The following MRTFA variants were observed in gnomAD, a reference collection of about 807,000 sequenced individuals.
MRTFA encodes myocardin related transcription factor A.
A neutral mutation model predicts 83.5 loss-of-function variants in MRTFA; 20 were observed. The ratio of observed to expected loss-of-function variants is 0.24; its 90% CI spans 0.17 to 0.35. The LOEUF is 0.35. MRTFA is among the 10% of genes least tolerant of loss of function. The pLI is 1.00. For missense variants in MRTFA, 1,200 were observed against 1,224.7 expected (o/e 0.98, Z 0.30); for synonymous variants, 659 against 541.2 (o/e 1.22, Z -3.02).
intron 3 of MRTFA, among the ~76,000 whole-genome samples, chr22:40,525,883 A>C (rs1892099374): frequency 6.6e-6 from 1 of 152,234 alleles, no homozygotes; most frequent in Admixed American, 6.5e-5. Flanking sequence ...TGTGGCACTT[A>C]CATTCTACGA....
intron 4 of MRTFA, among the ~76,000 whole-genome samples, chr22:40,450,899 C>G (rs1011520428): frequency 1.3e-5 from 2 of 152,166 alleles, no homozygotes; most frequent in Non-Finnish European, 2.9e-5. Context: ...CCAGAAAACC[C>G]GGATTGGGTC....
At chr22:40,505,005 G>A (rs996623246) in intron 3 of MRTFA, among the ~76,000 whole-genome samples, 17 of 152,272 alleles carry the variant, frequency 1.1e-4, no homozygotes, top group Middle Eastern at 6.8e-3. Flanking sequence ...TAAGCTCTTT[G>A]AGGAAAAGGA....
chr22:40,448,297 G>C (rs867202087), intron 4 of MRTFA, among the ~76,000 whole-genome samples: 1 of 149,488 alleles, frequency 6.7e-6, no homozygotes, highest in Admixed American at 6.7e-5. Flanking sequence ...GCAACAGAGC[G>C]AGACTCTGTC....
intron 5 of MRTFA, among the ~76,000 whole-genome samples, chr22:40,434,720 T>C (rs1473069954): frequency 1.9e-4 from 29 of 152,104 alleles, no homozygotes; most frequent in Non-Finnish European, 8.8e-5. Context: ...AGACTCCGTC[T>C]CAAAAAATAA....
intron 1 of MRTFA, among the ~76,000 whole-genome samples, chr22:40,614,099 G>C (rs2056419787): frequency 6.6e-6 from 1 of 151,930 alleles, no homozygotes; most frequent in Non-Finnish European, 1.5e-5. Flanking sequence ...CTACTCGGGA[G>C]GCTGAGGCAG....
intron 14 of MRTFA, among the ~76,000 whole-genome samples, chr22:40,414,150 G>T (rs1386596351): frequency 2.0e-5 from 3 of 152,088 alleles, no homozygotes; most frequent in African/African-American, 7.2e-5. Flanking sequence ...ACCAGCCTGG[G>T]CAACACAGTG....
rs1250532548 is a variant in MRTFA, at chr22:40,451,189, TTC to T, written c.307+12030_307+12031del. Among the ~76,000 whole-genome samples the T allele has an allele frequency of 3.3e-5, 5 of 152,308 alleles. No homozygotes were observed. In the South Asian group the frequency reaches 8.3e-4, roughly 25 times the overall value. On this transcript the variant is annotated intron_variant, in intron 4 of 14. Transcript: ENST00000355630. ...CGGGCTTGACTTCCATTTTTTGTCT[TTC>T]TGTTTTTAGCTGACACACTAAAAAT... is the stretch of plus-strand genomic sequence containing the variant.
In MRTFA at chr22:40,429,763, G is replaced by C; in HGVS notation, c.444C>G (p.Thr148=). Residue 148 remains threonine, a synonymous_variant, in exon 7 of 15, where the codon ACC becomes ACG. Transcript: ENST00000355630. ...TGGCCTGGAGGGATGGCTCAGCCGA[G>C]GTCTCTGCCCATGGGAGAGAAAGGG... The C allele has an allele frequency of 1.2e-6, 2 of 1,611,158 alleles. No individual in the cohort carries two copies. The highest frequency in any genetic ancestry group is 1.7e-6 in the Non-Finnish European group (2 of 1,178,648).
chr22:40,498,096 C>T (rs1281090706), intron 3 of MRTFA, among the ~76,000 whole-genome samples: 1 of 151,704 alleles, frequency 6.6e-6, no homozygotes, highest in East Asian at 1.9e-4. Flanking sequence ...GCCAAGATCA[C>T]AGCACTGCAC....
At chr22:40,453,413 G>A (rs1358783771) in intron 4 of MRTFA, among the ~76,000 whole-genome samples, 1 of 152,192 alleles carries the variant, frequency 6.6e-6, no homozygotes, top group African/African-American at 2.4e-5. Context: ...GGGGCAGAGG[G>A]CCAACTGCAA....
intron 4 of MRTFA, among the ~76,000 whole-genome samples, chr22:40,444,656 C>G (rs1045596551): frequency 6.6e-6 from 1 of 152,042 alleles, no homozygotes; most frequent in Non-Finnish European, 1.5e-5. Flanking sequence ...ATCCTGAGAT[C>G]GACGTGTAGC....
chr22:40,538,811 A>T (rs1602403700), intron 3 of MRTFA, among the ~76,000 whole-genome samples: 1 of 152,114 alleles, frequency 6.6e-6, no homozygotes, highest in Non-Finnish European at 1.5e-5. Flanking sequence ...GCTCTGCACA[A>T]ATGAAGATGA....
chr22:40,596,169 C>T (rs2056189286), intron 1 of MRTFA, among the ~76,000 whole-genome samples: 1 of 151,664 alleles, frequency 6.6e-6, no homozygotes, highest in Admixed American at 6.6e-5. Context: ...TGGCGGGTAA[C>T]ATTAATCCTG....
chr22:40,577,176 T>C (rs1340816294), intron 2 of MRTFA, among the ~76,000 whole-genome samples: 11 of 140,018 alleles, frequency 7.9e-5, no homozygotes, highest in Admixed American at 7.1e-4. Context: ...TGAGCCATGA[T>C]AGTGACACTG....
intron 13 of MRTFA, 23 bp from the exon 14 acceptor site, chr22:40,417,069 AAAAG>A: frequency 1.3e-6 from 2 of 1,563,070 alleles, no homozygotes; most frequent in Non-Finnish European, 1.7e-6. Context: ...GGAAAAAAAA[AAAAG>A]AGATAAAAAT....
intron 3 of MRTFA, among the ~76,000 whole-genome samples, chr22:40,503,605 G>A (rs991214914): frequency 1.3e-5 from 2 of 152,192 alleles, no homozygotes; most frequent in Non-Finnish European, 2.9e-5. Context: ...CTTTATCAAG[G>A]CTGTACTGCA....
intron 3 of MRTFA, among the ~76,000 whole-genome samples, chr22:40,504,862 T>C (rs1221868164): frequency 6.6e-6 from 1 of 152,242 alleles, no homozygotes; most frequent in East Asian, 1.9e-4. Context: ...TCCATCATCT[T>C]ACAAACATGG....
At chr22:40,429,908 T>A in intron 6 of MRTFA, 141 bp from the exon 7 acceptor site, 1 of 866,926 alleles carries the variant, frequency 1.2e-6, no homozygotes, top group Non-Finnish European at 1.7e-6. Flanking sequence ...CAGAGAAGAG[T>A]GGCCTGTCTT....
At chr22:40,560,320 A>T (rs1403784912) in intron 2 of MRTFA, among the ~76,000 whole-genome samples, 1 of 152,254 alleles carries the variant, frequency 6.6e-6, no homozygotes, top group Non-Finnish European at 1.5e-5. Flanking sequence ...AGTGAGACAC[A>T]GCAAGGTTTC....
Sources: gnomAD v4.1 joint callset for allele counts (sites outside exome capture counted in the v4.1 genomes callset) on GRCh38, gnomAD v4.1.1 for gene constraint, MANE v1.5 for transcripts, NCBI Gene and HGNC (gene_info 2026-07-23, HGNC 2026-07-21) for gene names.